PRDM1: variants seen among roughly 807,000 people sequenced by gnomAD.
PRDM1 encodes the protein PR domain zinc finger protein 1.
PRDM1 carries 13 observed loss-of-function variants against 62.8 expected under a neutral mutation model. That is an observed-to-expected ratio of 0.21 (90% confidence interval 0.13 to 0.33). PRDM1 has a LOEUF of 0.33. Ranked by LOEUF, PRDM1 falls within the 10% of genes least tolerant of loss-of-function variation. The pLI is 1.00. For synonymous variants in PRDM1, 396 were observed against 417.6 expected (o/e 0.95, Z 0.63); for missense variants, 895 against 1,058.8 (o/e 0.85, Z 2.15).
At chr6:106,018,940 A>G (rs1772658076) in intron 1 of PRDM1, among the ~76,000 whole-genome samples, 1 of 152,064 alleles carries the variant, frequency 6.6e-6, no homozygotes, top group South Asian at 2.1e-4. Context: ...GGGACAGAGT[A>G]TCTACATACA....
intron 1 of PRDM1, among the ~76,000 whole-genome samples, chr6:106,064,751 C>G (rs1396290404): frequency 6.6e-6 from 1 of 152,150 alleles, no homozygotes; most frequent in Non-Finnish European, 1.5e-5. Flanking sequence ...TTAAAGCTAG[C>G]ATTGATCAGG....
At chr6:106,024,046 G>T (rs935673645) in intron 1 of PRDM1, among the ~76,000 whole-genome samples, 4 of 152,074 alleles carry the variant, frequency 2.6e-5, no homozygotes, top group Non-Finnish European at 5.9e-5. Flanking sequence ...GGAGGCTGAG[G>T]TAGGAGGATT....
At chr6:106,025,215 G>A (rs1772748602) in intron 1 of PRDM1, among the ~76,000 whole-genome samples, 2 of 152,136 alleles carry the variant, frequency 1.3e-5, no homozygotes, top group South Asian at 2.1e-4. Flanking sequence ...TGTCAAGTTT[G>A]AAAAAGCACT....
chr6:106,095,862 C>T (rs1306791339), intron 3 of PRDM1, 128 bp downstream of exon 3: 3 of 989,716 alleles, frequency 3.0e-6, no homozygotes, highest in Non-Finnish European at 4.4e-6. Context: ...ATCCAGCATC[C>T]CCATGGACAC....
chr6:106,059,369 G>A (rs1773311994), intron 1 of PRDM1, among the ~76,000 whole-genome samples: 3 of 152,140 alleles, frequency 2.0e-5, no homozygotes, highest in South Asian at 2.1e-4. Flanking sequence ...GTCACGTGTG[G>A]TAGAAATTCA....
intron 1 of PRDM1, among the ~76,000 whole-genome samples, chr6:106,013,354 G>C (rs1331233024): frequency 2.1e-5 from 3 of 142,446 alleles, no homozygotes; most frequent in African/African-American, 7.9e-5. Context: ...TTGAGACAGA[G>C]TCTCTCTTTG....
chr6:106,070,627 A>C (rs540372086), intron 1 of PRDM1, among the ~76,000 whole-genome samples: 4 of 152,228 alleles, frequency 2.6e-5, no homozygotes, highest in South Asian at 4.1e-4. Flanking sequence ...TATATAGGTA[A>C]ATTTCTTTTC....
At chr6:106,038,014 C>CTTTTTTTTTTTTTTTTTTTTGTTTTTTTT (rs1772946146) in intron 1 of PRDM1, among the ~76,000 whole-genome samples, 1 of 47,800 alleles carries the variant, frequency 2.1e-5, no homozygotes, top group Non-Finnish European at 3.5e-5. Flanking sequence ...CTATTTTTGT[C>CTTTTTTTTTTTTTTTTTTTTGTTTTTTTT]TTTTTTTTTT....
At chr6:106,045,037 A>G (rs1773051952), upstream of PRDM1, among the ~76,000 whole-genome samples, 1 of 152,202 alleles carries the variant, frequency 6.6e-6, no homozygotes, top group Non-Finnish European at 1.5e-5. Flanking sequence ...TCTTAAGAAA[A>G]AGGGAGATGC....
At chr6:106,058,846 A>T (rs1773302844) in intron 1 of PRDM1, among the ~76,000 whole-genome samples, 1 of 152,134 alleles carries the variant, frequency 6.6e-6, no homozygotes, top group African/African-American at 2.4e-5. Flanking sequence ...CTGGGATTAT[A>T]AGCTTGAGCC....
rs1562177458 is a variant in PRDM1, at chr6:106,108,287, TCTCC to T, written c.*806_*809del. The T allele has an allele frequency of 8.6e-6, 2 of 233,604 alleles. No individual in the cohort carries two copies. The highest frequency in any genetic ancestry group is 1.7e-5 in the Non-Finnish European group (2 of 118,020). The allele number at this position is 233,604 out of a possible 1,614,324, so 14.5% of individuals were successfully genotyped here. On this transcript the variant is annotated 3_prime_UTR_variant, in exon 7 of 7. Coordinates refer to ENST00000369096, the MANE Select transcript of PRDM1 (RefSeq NM_001198.4). The stretch of plus-strand genomic sequence containing the variant: ...GACAGGAAGGCTTTACCAACCTGTC[TCTCC>T]CTCCAAAAGAGCAGAATCCTCCCAC...
At chr6:106,054,779 T>C (rs984897911) in intron 1 of PRDM1, among the ~76,000 whole-genome samples, 1 of 152,236 alleles carries the variant, frequency 6.6e-6, no homozygotes, top group African/African-American at 2.4e-5. Flanking sequence ...AGAAAGAAGA[T>C]GCTTAATGTA....
chr6:106,066,472 A>G (rs1053742919), intron 1 of PRDM1, among the ~76,000 whole-genome samples: 2 of 152,320 alleles, frequency 1.3e-5, no homozygotes, highest in East Asian at 3.9e-4. Context: ...TTTCTGCTTC[A>G]TGATTCTCCC....
chr6:106,088,139 T>C, intron 1 of PRDM1, 62 bp from the exon 2 acceptor site: 1 of 1,532,988 alleles, frequency 6.5e-7, no homozygotes, highest in Non-Finnish European at 8.8e-7. Flanking sequence ...TCATAGCCTC[T>C]CAGAAGGAGC....
chr6:106,031,488 G>C (rs1265469326), intron 1 of PRDM1, among the ~76,000 whole-genome samples: 2 of 152,180 alleles, frequency 1.3e-5, no homozygotes, highest in Non-Finnish European at 2.9e-5. Flanking sequence ...TTTAACTTTG[G>C]GTGGTAGAAA....
At chr6:106,083,198 G>A (rs1192078105), upstream of PRDM1, among the ~76,000 whole-genome samples, 1 of 132,638 alleles carries the variant, frequency 7.5e-6, no homozygotes, top group Non-Finnish European at 1.6e-5. Context: ...CTTACAGGAA[G>A]CGGGAAATGG....
chr6:106,099,149 G>T, intron 3 of PRDM1, 151 bp from the exon 4 acceptor site: 1 of 1,607,398 alleles, frequency 6.2e-7, no homozygotes, highest in Non-Finnish European at 8.5e-7. Flanking sequence ...GCTGATTCAA[G>T]ACTATTCTGG....
rs537274702 is a variant in PRDM1 at position 106,107,562 on chromosome 6, A to G, written c.*76A>G. Reference sequence around the variant, plus strand: ...AGGGTGCCTGTAGGAAGTGGCTTGTACATAATCCCAGCTCTGCAAAGCTCT... The same window carrying G: ...AGGGTGCCTGTAGGAAGTGGCTTGTGCATAATCCCAGCTCTGCAAAGCTCT... On this transcript the variant is annotated 3_prime_UTR_variant, in exon 7 of 7. Transcript: ENST00000369096. 23 of 1,309,134 alleles carry G rather than the reference A, an allele frequency of 1.8e-5. No individual in the cohort carries two copies. In the South Asian group the frequency reaches 3.4e-4, roughly 19 times the overall value. 81.1% of individuals were successfully genotyped at this position (1,309,134 alleles called of 1,614,324 possible). A position where few individuals can be genotyped will look rare whatever the true frequency, so the allele number is the denominator to read the frequency against.
intron 4 of PRDM1, among the ~76,000 whole-genome samples, chr6:106,101,418 G>A (rs1467141723): frequency 6.6e-6 from 1 of 152,150 alleles, no homozygotes; most frequent in African/African-American, 2.4e-5. Context: ...TCTACTTTGT[G>A]TTCAGAAGCA....
Sources: allele counts gnomAD v4.1 joint callset (sites outside exome capture counted in the v4.1 genomes callset), GRCh38; gene constraint gnomAD v4.1.1; transcripts MANE v1.5; gene names NCBI Gene and HGNC (gene_info 2026-07-23, HGNC 2026-07-21).